The following PHYHIPL variants were observed in gnomAD, a reference collection of about 807,000 sequenced individuals.
The protein encoded by PHYHIPL is phytanoyl-CoA hydroxylase-interacting protein-like.
Under a neutral mutation model 33.4 loss-of-function variants are expected in PHYHIPL, and 9 were observed. The ratio of observed to expected loss-of-function variants is 0.27; its 90% CI spans 0.16 to 0.47. PHYHIPL has a LOEUF of 0.47. Among genes scored for constraint, PHYHIPL ranks in the 20% least tolerant of loss-of-function variants. The pLI is 0.99. For synonymous variants in PHYHIPL, 153 were observed against 154.1 expected (o/e 0.99, Z 0.05); for missense variants, 365 against 460.7 (o/e 0.79, Z 1.90).
In PHYHIPL at chr10:59,222,229, A is replaced by T. The variant is rs567860289; in HGVS notation, c.107-12075A>T. On this transcript the variant is annotated intron_variant, in intron 1 of 4. Coordinates refer to ENST00000373880, the MANE Select transcript of PHYHIPL (RefSeq NM_032439.4). ...AGATCCAAAATCGGGGTGAAATGCC[A>T]TTTGGATACTATGGTTATTGGGGAA... 2.0e-5 allele frequency among the ~76,000 whole-genome samples: 3 copies of T among 152,168 alleles called. No homozygotes were observed. The South Asian group carries it at 6.2e-4, about 32-fold the overall frequency.
chr10:59,244,586 A>AAAAAG (rs1554801182), intron 4 of PHYHIPL, among the ~76,000 whole-genome samples: 2 of 136,584 alleles, frequency 1.5e-5, no homozygotes, highest in African/African-American at 5.3e-5. Context: ...AAAAAAAAAA[A>AAAAAG]GCCAAAACAA....
At chr10:59,240,602 C>T (rs1015381497) in intron 4 of PHYHIPL, among the ~76,000 whole-genome samples, 1 of 151,898 alleles carries the variant, frequency 6.6e-6, no homozygotes, top group South Asian at 2.1e-4. Flanking sequence ...GTAAGCCAAA[C>T]CATCATAAGT....
At chr10:59,179,228 C>G (rs1343797217) in intron 1 of PHYHIPL, among the ~76,000 whole-genome samples, 1 of 152,100 alleles carries the variant, frequency 6.6e-6, no homozygotes, top group Non-Finnish European at 1.5e-5. Context: ...CCTTACTTAG[C>G]ATCATTTTGT....
At chr10:59,180,338 A>T (rs1333878271) in intron 1 of PHYHIPL, among the ~76,000 whole-genome samples, 2 of 77,504 alleles carry the variant, frequency 2.6e-5, no homozygotes, top group South Asian at 4.4e-4. Flanking sequence ...ATATATATAT[A>T]TATATATATA....
chr10:59,184,695 C>T lies in PHYHIPL; in HGVS notation c.106+7736C>T, dbSNP rs191043585. ...TAAGTTTTAGGGTACATGTGCACAA[C>T]GTGCAGGTTTGTTACATATGTATAC... On this transcript the variant is annotated intron_variant, in intron 1 of 4. Transcript: ENST00000373880. 2.5e-3 allele frequency among the ~76,000 whole-genome samples: 386 copies of T among 151,410 alleles called. 3 individuals carry two copies. Among genetic ancestry groups the T allele is most frequent in the Admixed American group, 8.2e-3 (124 of 15,184 alleles).
chr10:59,177,782 T>C (rs1267390736), intron 1 of PHYHIPL, among the ~76,000 whole-genome samples: 1 of 152,156 alleles, frequency 6.6e-6, no homozygotes, highest in Admixed American at 6.5e-5. Context: ...GCTGGACTAG[T>C]TAGAGTCTGC....
In PHYHIPL at chr10:59,219,226, G is replaced by A. The variant is rs1048541002; in HGVS notation, c.107-15078G>A. 4.3e-6 allele frequency: 4 copies of A among 936,214 alleles called. No homozygotes were observed. In the African/African-American group the frequency reaches 7.1e-5, roughly 17 times the overall value. 58.0% of individuals were successfully genotyped at this position (936,214 alleles called of 1,614,324 possible). A position where few individuals can be genotyped will look rare whatever the true frequency, so the allele number is the denominator to read the frequency against. ...ATAAAAATAAGAAAGTGCTATTTAA[G>A]TGATTAAGTAGGAAGCCAAAGAAGT... On this transcript the variant is annotated intron_variant, in intron 1 of 4. Transcript: ENST00000373880.
chr10:59,204,222 A>T (rs1198257555), intron 1 of PHYHIPL, among the ~76,000 whole-genome samples: 1 of 152,216 alleles, frequency 6.6e-6, no homozygotes, highest in African/African-American at 2.4e-5. Flanking sequence ...TTAAATTTAA[A>T]ATCTTCTATC....
At chr10:59,177,380 T>A in intron 1 of PHYHIPL, 2 of 1,268,576 alleles carry the variant, frequency 1.6e-6, no homozygotes, top group South Asian at 3.2e-5. Context: ...CTAGTTGGCA[T>A]TCTCTTCCAG....
chr10:59,208,762 A>G (rs374947752), intron 1 of PHYHIPL, among the ~76,000 whole-genome samples: 4 of 152,214 alleles, frequency 2.6e-5, no homozygotes, highest in African/African-American at 7.2e-5. Context: ...AACACAGCAC[A>G]AGAACTTTGT....
At position 59,207,556 on chromosome 10, in the gene PHYHIPL, C is replaced by G. The variant is rs556054735; in HGVS notation, c.107-26748C>G. 2.0e-5 allele frequency among the ~76,000 whole-genome samples: 3 copies of G among 152,286 alleles called. No individual in the cohort carries two copies. The East Asian group carries it at 5.8e-4, about 29-fold the overall frequency. ...CAGCAAAGTCGCTGTAGCCAGACTACCTCTCTAGATTCCTCCTCTCTAGGC... is the reference window on the plus strand; with the variant it reads ...CAGCAAAGTCGCTGTAGCCAGACTAGCTCTCTAGATTCCTCCTCTCTAGGC... On this transcript the variant is annotated intron_variant, in intron 1 of 4. Coordinates refer to ENST00000373880, the MANE Select transcript of PHYHIPL (RefSeq NM_032439.4).
At chr10:59,237,807 A>G (rs1027589526) in intron 3 of PHYHIPL, among the ~76,000 whole-genome samples, 2 of 151,946 alleles carry the variant, frequency 1.3e-5, no homozygotes, top group African/African-American at 4.8e-5. Context: ...TCATTATTGT[A>G]CATATATTTA....
intron 1 of PHYHIPL, among the ~76,000 whole-genome samples, chr10:59,199,704 CGTTT>C (rs528012638): frequency 1.3e-5 from 2 of 152,116 alleles, no homozygotes; most frequent in Admixed American, 1.3e-4. Context: ...AATGTTCTTC[CGTTT>C]GTTTGTATCC....
At chr10:59,175,414 G>A (rs1306949865), upstream of PHYHIPL, among the ~76,000 whole-genome samples, 1 of 152,180 alleles carries the variant, frequency 6.6e-6, no homozygotes, top group East Asian at 1.9e-4. Flanking sequence ...CTAAATGGAT[G>A]TGACTAGAAA....
chr10:59,232,118 G>T (rs937365713), intron 1 of PHYHIPL, among the ~76,000 whole-genome samples: 1 of 151,962 alleles, frequency 6.6e-6, no homozygotes, highest in African/African-American at 2.4e-5. Flanking sequence ...CAAAAACACC[G>T]CATGTTCTCA....
intron 1 of PHYHIPL, among the ~76,000 whole-genome samples, chr10:59,224,837 A>G (rs1001568558): frequency 6.6e-6 from 1 of 152,102 alleles, no homozygotes; most frequent in Non-Finnish European, 1.5e-5. Flanking sequence ...TGTTGAATGA[A>G]AAGATTGAGA....
At chr10:59,177,566 A>G in intron 1 of PHYHIPL, 1 of 1,551,708 alleles carries the variant, frequency 6.4e-7, no homozygotes, top group Non-Finnish European at 8.7e-7. Flanking sequence ...TCTGAGTCAG[A>G]CTGTCGAAAA....
chr10:59,175,910 G>A (rs1838240232), upstream of PHYHIPL, among the ~76,000 whole-genome samples: 1 of 152,192 alleles, frequency 6.6e-6, no homozygotes, highest in Non-Finnish European at 1.5e-5. Context: ...CTGCGTGGCT[G>A]CTGGTCCCGT....
chr10:59,189,501 A>G (rs1490239143), intron 1 of PHYHIPL, among the ~76,000 whole-genome samples: 1 of 152,032 alleles, frequency 6.6e-6, no homozygotes, highest in African/African-American at 2.4e-5. Context: ...TCCCTTAGCC[A>G]GTTAAGAGTC....
Sources: gnomAD v4.1 joint callset for allele counts (sites outside exome capture counted in the v4.1 genomes callset) on GRCh38, gnomAD v4.1.1 for gene constraint, MANE v1.5 for transcripts, NCBI Gene and HGNC (gene_info 2026-07-23, HGNC 2026-07-21) for gene names.